EZH2: variants seen among roughly 807,000 people sequenced by gnomAD.
The protein encoded by EZH2 is enhancer of zeste 2 polycomb repressive complex 2 subunit.
In EZH2, 18 loss-of-function variants were observed where a neutral mutation model predicts 98.4. The observed-to-expected ratio is 0.18, with a 90% CI of 0.13 to 0.27. The LOEUF is 0.27. EZH2 is among the 10% of genes least tolerant of loss of function. EZH2 has a pLI of 1.00. For synonymous variants in EZH2, 338 were observed against 312.3 expected, an observed-to-expected ratio of 1.08 and a Z score of -0.87; for missense variants, 470 against 935.1, an observed-to-expected ratio of 0.50 and a Z score of 6.49.
chr7:148,880,450 CAA>C (rs1382708733), intron 1 of EZH2, among the ~76,000 whole-genome samples: 2 of 152,132 alleles, frequency 1.3e-5, no homozygotes, highest in Non-Finnish European at 1.5e-5. Flanking sequence ...TATATTTTTG[CAA>C]AGAGATCATC....
chr7:148,813,063 A>G (rs371464173), intron 15 of EZH2, among the ~76,000 whole-genome samples: 21,091 of 148,944 alleles, frequency 0.14, 1,576 homozygotes, highest in African/African-American at 0.17. Context: ...ACACACACAC[A>G]CACACACACA....
Position 148,826,431 on chromosome 7 carries a change from A to G in EZH2, c.907+23T>C, listed in dbSNP as rs1807747418. ...CTGCTTTAAAACATAATTCCACAAC[A>G]AAGATAGAAAATGAAAACGTACAAT... On this transcript the variant is annotated intron_variant, in intron 8 of 19. Transcript: ENST00000320356. 4 of 1,533,050 alleles carry G rather than the reference A, an allele frequency of 2.6e-6. No homozygotes were observed. The African/African-American group carries it at 5.5e-5, about 21-fold the overall frequency. 95.0% of individuals were successfully genotyped at this position (1,533,050 alleles called of 1,614,324 possible). A position where few individuals can be genotyped will look rare whatever the true frequency, so the allele number is the denominator to read the frequency against.
At chr7:148,817,549 C>T (rs1209234675) in intron 10 of EZH2, 158 bp from the exon 11 acceptor site, 8 of 721,276 alleles carry the variant, frequency 1.1e-5, no homozygotes, top group African/African-American at 1.8e-5. Context: ...TCCAACAAAA[C>T]TACTCACAGA....
intron 1 of EZH2, among the ~76,000 whole-genome samples, chr7:148,877,399 T>C (rs1820318600): frequency 6.6e-6 from 1 of 152,204 alleles, no homozygotes; most frequent in Admixed American, 6.5e-5. Context: ...TGAGAAGTGT[T>C]TGGTTCCATT....
At chr7:148,873,335 T>C (rs1489693021) in intron 1 of EZH2, among the ~76,000 whole-genome samples, 1 of 151,542 alleles carries the variant, frequency 6.6e-6, no homozygotes, top group Non-Finnish European at 1.5e-5. Flanking sequence ...CTACTAAAAA[T>C]ACAAAAACTA....
At position 148,807,586 on chromosome 7, in the gene EZH2, A is replaced by C; in HGVS notation, c.*60T>G. ...GTTCTTTTTCTAAATTGCCCACAGT[A>C]CTCGAGGTTCCTGAAGCTAAGGCAG... On this transcript the variant is annotated 3_prime_UTR_variant, in exon 20 of 20. Coordinates refer to ENST00000320356, the MANE Select transcript of EZH2 (RefSeq NM_004456.5). The C allele has an allele frequency of 4.5e-6, 6 of 1,326,880 alleles. No homozygotes were observed. The highest frequency in any genetic ancestry group is 6.4e-6 in the Non-Finnish European group (6 of 938,888). 82.2% of individuals were successfully genotyped at this position (1,326,880 alleles called of 1,614,324 possible). A position where few individuals can be genotyped will look rare whatever the true frequency, so the allele number is the denominator to read the frequency against.
At chr7:148,851,246 C>A (rs1453781516) in intron 1 of EZH2, among the ~76,000 whole-genome samples, 1 of 152,112 alleles carries the variant, frequency 6.6e-6, no homozygotes, top group Non-Finnish European at 1.5e-5. Flanking sequence ...AGATAAATCG[C>A]AGGGTCAGTT....
intron 4 of EZH2, 125 bp from the exon 5 acceptor site, chr7:148,829,973 T>C (rs1354893141): frequency 1.2e-5 from 7 of 590,446 alleles, no homozygotes; most frequent in Non-Finnish European, 1.8e-5. Flanking sequence ...AAAATACTAG[T>C]CAGAGAGCAA....
chr7:148,838,987 G>T (rs1049267930), intron 3 of EZH2, among the ~76,000 whole-genome samples: 1 of 151,662 alleles, frequency 6.6e-6, no homozygotes, highest in Non-Finnish European at 1.5e-5. Context: ...AGGAGGCAGA[G>T]GTTGAGGTGA....
At chr7:148,884,013 C>G (rs935626558) in intron 1 of EZH2, 151 bp downstream of exon 1, 2 of 152,118 alleles carry the variant, frequency 1.3e-5, no homozygotes, top group Admixed American at 6.5e-5. Context: ...CTCCACCCCC[C>G]GCACGCCTAC....
At chr7:148,810,615 T>C (rs1196101887) in intron 16 of EZH2, among the ~76,000 whole-genome samples, 1 of 152,194 alleles carries the variant, frequency 6.6e-6, no homozygotes, top group Non-Finnish European at 1.5e-5. Context: ...CTCAGAAATA[T>C]TTCCACATCC....
chr7:148,865,557 T>G (rs114081986), intron 1 of EZH2, among the ~76,000 whole-genome samples: 1,937 of 152,266 alleles, frequency 0.013, 36 homozygotes, highest in African/African-American at 0.044. Context: ...TGCCCTTAAG[T>G]ACAAACCAAC....
chr7:148,835,050 ACTGCACTGT>A (rs1343682129), intron 3 of EZH2, among the ~76,000 whole-genome samples: 2 of 152,250 alleles, frequency 1.3e-5, no homozygotes, highest in African/African-American at 4.8e-5. Context: ...TTAATTAATT[ACTGCACTGT>A]AGTTCTTGCC....
intron 1 of EZH2, among the ~76,000 whole-genome samples, chr7:148,860,874 T>C (rs922454017): frequency 2.0e-5 from 3 of 152,106 alleles, no homozygotes; most frequent in African/African-American, 7.3e-5. Flanking sequence ...GGTTTCGCCA[T>C]GTTGCCCAGG....
chr7:148,879,681 C>A (rs1820684516), intron 1 of EZH2, among the ~76,000 whole-genome samples: 1 of 152,030 alleles, frequency 6.6e-6, no homozygotes, highest in Non-Finnish European at 1.5e-5. Flanking sequence ...CAGAGTGACA[C>A]TGCATCTCAA....
At chr7:148,809,727 AT>A in intron 17 of EZH2, among the ~76,000 whole-genome samples, 1 of 152,306 alleles carries the variant, frequency 6.6e-6, no homozygotes, top group East Asian at 1.9e-4. Flanking sequence ...CACATTTAAA[AT>A]TAGTTTTTTT....
Position 148,863,660 on chromosome 7 carries a change from CTA to C in EZH2, c.-7-16357_-7-16356del, listed in dbSNP as rs1818023731. Among the ~76,000 whole-genome samples the C allele has an allele frequency of 2.0e-5, 3 of 152,218 alleles. No individual in the cohort carries two copies. The South Asian group carries it at 6.2e-4, about 32-fold the overall frequency. On this transcript the variant is annotated intron_variant, in intron 1 of 19. Transcript: ENST00000320356. Reference sequence around the variant, plus strand: ...GACCTTTTTGCTTCCTTAAATGACTCTATTGTTTTTTCAAAAAAAGAAAAAAG... The same window carrying C: ...GACCTTTTTGCTTCCTTAAATGACTCTTGTTTTTTCAAAAAAAGAAAAAAG...
intron 1 of EZH2, among the ~76,000 whole-genome samples, chr7:148,877,936 A>C (rs1047331844): frequency 1.3e-5 from 2 of 152,216 alleles, no homozygotes; most frequent in African/African-American, 4.8e-5. Context: ...AACAGAACTA[A>C]GTTTGGATCC....
In EZH2 at chr7:148,872,567, ATAGTAAT is replaced by A. The variant is rs2129492567; in HGVS notation, c.-8+11590_-8+11596del. 2.6e-5 allele frequency among the ~76,000 whole-genome samples: 4 copies of A among 152,380 alleles called. No individual in the cohort carries two copies. The East Asian group carries it at 7.7e-4, about 29-fold the overall frequency. On this transcript the variant is annotated intron_variant, in intron 1 of 19. Coordinates refer to ENST00000320356, the MANE Select transcript of EZH2 (RefSeq NM_004456.5). The stretch of plus-strand genomic sequence containing the variant: ...TAGGTACAGGTTAGGTTCTCAACAA[ATAGTAAT>A]TAGTTCTATTATGTGCAAGCATATC...
Sources: allele counts gnomAD v4.1 joint callset (sites outside exome capture counted in the v4.1 genomes callset), GRCh38; gene constraint gnomAD v4.1.1; transcripts MANE v1.5; gene names NCBI Gene and HGNC (gene_info 2026-07-23, HGNC 2026-07-21).